AMBRA1: variants seen among roughly 807,000 people sequenced by gnomAD.
AMBRA1 encodes activating molecule in BECN1-regulated autophagy protein 1.
In AMBRA1, 47 loss-of-function variants were observed where a neutral mutation model predicts 125.4. The observed-to-expected ratio is 0.37, with a 90% CI of 0.30 to 0.48. The LOEUF is 0.48. AMBRA1 is among the 20% of genes least tolerant of loss of function. The pLI is 0.99. For synonymous variants in AMBRA1, 626 were observed against 655.5 expected, an observed-to-expected ratio of 0.95 and a Z score of 0.69; for missense variants, 1,331 against 1,693.4, an observed-to-expected ratio of 0.79 and a Z score of 3.76.
chr11:46,470,326 C>T (rs146096425), intron 11 of AMBRA1, among the ~76,000 whole-genome samples: 149 of 152,174 alleles, frequency 9.8e-4, no homozygotes, highest in African/African-American at 3.5e-3. Context: ...CGGTGGCTCA[C>T]GCCTATAATC....
At chr11:46,458,838 A>G (rs11821531) in intron 11 of AMBRA1, among the ~76,000 whole-genome samples, 7,020 of 152,258 alleles carry the variant, frequency 0.046, 556 homozygotes, top group African/African-American at 0.16. Flanking sequence ...AAGGAATGTC[A>G]CCATTGGCCT....
At chr11:46,593,253 G>A (rs1024620440) in intron 1 of AMBRA1, among the ~76,000 whole-genome samples, 4 of 152,078 alleles carry the variant, frequency 2.6e-5, no homozygotes, top group Non-Finnish European at 4.4e-5. Context: ...GAAGGGAATT[G>A]GTAAACGACA....
At chr11:46,447,843 C>G (rs1948380893) in intron 11 of AMBRA1, among the ~76,000 whole-genome samples, 1 of 152,142 alleles carries the variant, frequency 6.6e-6, no homozygotes, top group Non-Finnish European at 1.5e-5. Context: ...CTACTCCACT[C>G]TCTGTGTGTA....
At chr11:46,566,980 C>T (rs1009117221) in intron 1 of AMBRA1, among the ~76,000 whole-genome samples, 2 of 152,146 alleles carry the variant, frequency 1.3e-5, no homozygotes, top group African/African-American at 4.8e-5. Context: ...CGCACCACTG[C>T]ACTCTGGCAT....
At chr11:46,522,510 C>G (rs1177978215) in intron 7 of AMBRA1, among the ~76,000 whole-genome samples, 1 of 151,826 alleles carries the variant, frequency 6.6e-6, no homozygotes, top group Admixed American at 6.6e-5. Flanking sequence ...TGAGTAAGAC[C>G]AAATCTATGG....
intron 1 of AMBRA1, among the ~76,000 whole-genome samples, chr11:46,583,295 C>T (rs1223493812): frequency 6.6e-6 from 1 of 151,552 alleles, no homozygotes; most frequent in Non-Finnish European, 1.5e-5. Flanking sequence ...ACTGGCTAGC[C>T]ATATGTAGAA....
intron 1 of AMBRA1, among the ~76,000 whole-genome samples, chr11:46,578,424 T>C (rs926796865): frequency 5.3e-5 from 8 of 151,504 alleles, no homozygotes; most frequent in Non-Finnish European, 8.8e-5. Context: ...GAGGCAGAAG[T>C]TGCAGTGAGC....
intron 14 of AMBRA1, among the ~76,000 whole-genome samples, chr11:46,423,415 G>A (rs1053812346): frequency 2.0e-4 from 31 of 151,256 alleles, no homozygotes; most frequent in Non-Finnish European, 2.7e-4. Context: ...TTTTTGACAT[G>A]GAGTCTCGCT....
chr11:46,411,099 CAA>C (rs59903160), intron 15 of AMBRA1, among the ~76,000 whole-genome samples: 3 of 60,176 alleles, frequency 5.0e-5, no homozygotes, highest in Admixed American at 1.9e-4. Context: ...GACTCTGTCT[CAA>C]AAAAAAAAAA....
intron 1 of AMBRA1, among the ~76,000 whole-genome samples, chr11:46,581,336 C>T (rs186434803): frequency 2.6e-5 from 4 of 152,036 alleles, no homozygotes; most frequent in Admixed American, 2.6e-4. Context: ...AGGCCAGGCG[C>T]AGTGGCTCAC....
intron 11 of AMBRA1, among the ~76,000 whole-genome samples, chr11:46,479,792 C>T (rs921068865): frequency 2.0e-5 from 3 of 152,118 alleles, no homozygotes; most frequent in African/African-American, 7.2e-5. Context: ...AAATAGCCTG[C>T]CAAATGCCAG....
At chr11:46,589,372 A>T (rs1048685957) in intron 1 of AMBRA1, among the ~76,000 whole-genome samples, 9 of 152,228 alleles carry the variant, frequency 5.9e-5, no homozygotes, top group African/African-American at 2.2e-4. Context: ...ACAGAAATTA[A>T]GACACTGAAA....
chr11:46,419,822 G>A (rs1946755285), intron 14 of AMBRA1, among the ~76,000 whole-genome samples: 1 of 152,012 alleles, frequency 6.6e-6, no homozygotes, highest in Non-Finnish European at 1.5e-5. Context: ...GGGGAGGGAG[G>A]AAGGCAGGGA....
intron 11 of AMBRA1, among the ~76,000 whole-genome samples, chr11:46,447,160 G>A (rs746840916): frequency 3.3e-5 from 5 of 152,034 alleles, no homozygotes; most frequent in African/African-American, 4.8e-5. Context: ...CATAACCCCA[G>A]CACTTTGGGA....
chr11:46,473,728 G>A (rs947317238), intron 11 of AMBRA1, among the ~76,000 whole-genome samples: 1 of 152,224 alleles, frequency 6.6e-6, no homozygotes, highest in Non-Finnish European at 1.5e-5. Flanking sequence ...TCAGCTCACT[G>A]CAAGCTCCGC....
intron 7 of AMBRA1, among the ~76,000 whole-genome samples, chr11:46,521,629 C>T (rs538656844): frequency 3.3e-5 from 5 of 152,380 alleles, no homozygotes; most frequent in African/African-American, 1.2e-4. Context: ...ATTGACATCT[C>T]TGCTCTAATG....
At chr11:46,537,661 T>C (rs1267783508) in intron 7 of AMBRA1, among the ~76,000 whole-genome samples, 1 of 152,168 alleles carries the variant, frequency 6.6e-6, no homozygotes, top group African/African-American at 2.4e-5. Context: ...TGCCCTCCAC[T>C]GCCCACAGGC....
Position 46,417,779 on chromosome 11 carries a change from G to C in AMBRA1, c.3116+134C>G, listed in dbSNP as rs754721536. The stretch of plus-strand genomic sequence containing the variant: ...CCCCTGTGGGAAGAGGGCCCTTTAA[G>C]GAGTGGCGCTGAGAATGAGGCAGGC... On this transcript the variant is annotated intron_variant, in intron 15 of 17. Transcript: ENST00000683756. 4.7e-4 allele frequency: 507 copies of C among 1,085,760 alleles called. 1 individual carries two copies. The highest frequency in any genetic ancestry group is 5.8e-4 in the Non-Finnish European group (467 of 811,118). 67.3% of individuals were successfully genotyped at this position (1,085,760 alleles called of 1,614,324 possible).
At chr11:46,547,019 CAAG>C in intron 4 of AMBRA1, 91 bp downstream of exon 4, 1 of 1,259,994 alleles carries the variant, frequency 7.9e-7, no homozygotes, top group Non-Finnish European at 1.1e-6. Context: ...TGCAGCGAGC[CAAG>C]ATCACACCAC....
Sources: allele counts gnomAD v4.1 joint callset (sites outside exome capture counted in the v4.1 genomes callset), GRCh38; gene constraint gnomAD v4.1.1; transcripts MANE v1.5; gene names NCBI Gene and HGNC (gene_info 2026-07-23, HGNC 2026-07-21).